Variants in MARCHF1 observed in about 807,000 individuals in gnomAD.
MARCHF1 encodes the protein E3 ubiquitin-protein ligase MARCHF1.
Under a neutral mutation model 54.2 loss-of-function variants are expected in MARCHF1, and 40 were observed. The ratio of observed to expected loss-of-function variants is 0.74; its 90% CI spans 0.57 to 0.96. The LOEUF (loss-of-function observed/expected upper bound fraction) is 0.96. Among genes scored for constraint, MARCHF1 ranks in the 40% least tolerant of loss-of-function variants. The pLI is 0.00. For synonymous variants in MARCHF1, 236 were observed against 236.3 expected, an observed-to-expected ratio of 1.00 and a Z score of 0.01; for missense variants, 586 against 656.5, an observed-to-expected ratio of 0.89 and a Z score of 1.17.
At chr4:163,954,734 A>G (rs1752198265) in intron 3 of MARCHF1, among the ~76,000 whole-genome samples, 2 of 152,190 alleles carry the variant, frequency 1.3e-5, no homozygotes, top group Non-Finnish European at 2.9e-5. Flanking sequence ...TACAAATTCA[A>G]ATTGCTCCCT....
At chr4:163,895,614 G>T (rs975536166) in intron 3 of MARCHF1, among the ~76,000 whole-genome samples, 6 of 152,146 alleles carry the variant, frequency 3.9e-5, no homozygotes, top group African/African-American at 1.4e-4. Flanking sequence ...GCAGTAGAGG[G>T]CTTCCTTCTC....
At position 164,111,625 on chromosome 4, in the gene MARCHF1, T is replaced by G. The variant is rs1284464361; in HGVS notation, c.-285A>C. On this transcript the variant is annotated 5_prime_UTR_variant, in exon 2 of 10. Coordinates refer to ENST00000514618, the MANE Select transcript of MARCHF1 (RefSeq NM_001394959.1). ...TCTTGTTTAATCACAGCAGGACAGT[T>G]GAGTATATTCTCTCAGAGTTCTTTT... The G allele has an allele frequency of 1.3e-5, 2 of 151,734 alleles. No individual in the cohort carries two copies. The highest frequency in any genetic ancestry group is 4.8e-5 in the African/African-American group (2 of 41,434). The allele number at this position is 151,734 out of a possible 1,614,324, so 9.4% of individuals were successfully genotyped here.
intron 2 of MARCHF1, among the ~76,000 whole-genome samples, chr4:164,088,656 T>A (rs1296166131): frequency 1.3e-5 from 2 of 152,168 alleles, no homozygotes; most frequent in Non-Finnish European, 2.9e-5. Flanking sequence ...GAGAATCACC[T>A]GAGCCCCAGG....
intron 4 of MARCHF1, among the ~76,000 whole-genome samples, chr4:163,738,121 A>G (rs573863276): frequency 3.2e-4 from 48 of 152,276 alleles, no homozygotes; most frequent in African/African-American, 1.1e-3. Context: ...CCTAACAAAC[A>G]TATTTCAGTT....
chr4:163,719,391 T>G (rs1579223832), intron 4 of MARCHF1, among the ~76,000 whole-genome samples: 2 of 152,220 alleles, frequency 1.3e-5, no homozygotes, highest in Admixed American at 1.3e-4. Flanking sequence ...TAGTATTCCA[T>G]GGTGTATATG....
chr4:163,599,905 T>C (rs1372602323), intron 7 of MARCHF1, among the ~76,000 whole-genome samples: 4 of 152,224 alleles, frequency 2.6e-5, no homozygotes, highest in Non-Finnish European at 5.9e-5. Flanking sequence ...AATGAGAAAT[T>C]TGAGGTCATT....
chr4:163,932,085 G>A (rs907610986), intron 3 of MARCHF1, among the ~76,000 whole-genome samples: 11 of 149,776 alleles, frequency 7.3e-5, no homozygotes, highest in African/African-American at 2.5e-4. Flanking sequence ...AACAATGTAC[G>A]TAATTTAATT....
At chr4:163,855,283 C>G (rs886349254) in intron 3 of MARCHF1, among the ~76,000 whole-genome samples, 2 of 152,124 alleles carry the variant, frequency 1.3e-5, no homozygotes, top group Non-Finnish European at 2.9e-5. Context: ...AACCAGCAAT[C>G]TAATATGAGT....
At chr4:164,199,681 C>CACACACAGAGAGAGAG (rs1462208986) in intron 1 of MARCHF1, among the ~76,000 whole-genome samples, 3 of 47,638 alleles carry the variant, frequency 6.3e-5, no homozygotes, top group East Asian at 5.7e-4. Context: ...CACACACACA[C>CACACACAGAGAGAGAG]AGAGAGAGAG....
At chr4:164,350,174 A>T (rs1055439593) in intron 1 of MARCHF1, among the ~76,000 whole-genome samples, 1 of 152,222 alleles carries the variant, frequency 6.6e-6, no homozygotes. Flanking sequence ...ATGGTATTGT[A>T]TACTGATGTG....
intron 7 of MARCHF1, among the ~76,000 whole-genome samples, chr4:163,589,478 G>C (rs1310910083): frequency 6.6e-6 from 1 of 151,760 alleles, no homozygotes; most frequent in East Asian, 1.9e-4. Flanking sequence ...CAAATTATCT[G>C]GCTCAAGTTG....
At chr4:163,667,242 G>A (rs148682498) in intron 5 of MARCHF1, among the ~76,000 whole-genome samples, 144 of 152,198 alleles carry the variant, frequency 9.5e-4, no homozygotes, top group Non-Finnish European at 1.7e-3. Context: ...TTGTGCTGGA[G>A]CGTGGCATTA....
intron 3 of MARCHF1, among the ~76,000 whole-genome samples, chr4:163,922,369 TAAAA>T (rs1031158676): frequency 5.3e-5 from 8 of 152,036 alleles, no homozygotes; most frequent in African/African-American, 1.9e-4. Flanking sequence ...ATAATAATAA[TAAAA>T]AAATCAATAT....
rs1477146262 is a variant in MARCHF1 at position 163,928,437 on chromosome 4, T to C, written c.-39+60064A>G. On this transcript the variant is annotated intron_variant, in intron 3 of 9. Transcript: ENST00000514618. ...TAGGCGTGGTGGCAGAGGACTCTTT[T>C]TGGCATTTAGGTGGACTTTACAATT... 2.6e-5 allele frequency among the ~76,000 whole-genome samples: 4 copies of C among 152,004 alleles called. No individual in the cohort carries two copies. In the East Asian group the frequency reaches 7.7e-4, roughly 29 times the overall value.
At chr4:163,933,213 T>C in intron 3 of MARCHF1, 11 of 736,208 alleles carry the variant, frequency 1.5e-5, no homozygotes, top group Non-Finnish European at 1.7e-5. Context: ...CCTCAGACAG[T>C]GCAGGAGAAG....
intron 9 of MARCHF1, among the ~76,000 whole-genome samples, chr4:163,531,559 C>T (rs760069390): frequency 1.3e-5 from 2 of 151,820 alleles, no homozygotes; most frequent in African/African-American, 2.4e-5. Flanking sequence ...TCCTTCTTAC[C>T]ATGCCTATTC....
At chr4:163,562,017 C>T (rs1739484002) in intron 8 of MARCHF1, among the ~76,000 whole-genome samples, 1 of 152,132 alleles carries the variant, frequency 6.6e-6, no homozygotes, top group South Asian at 2.1e-4. Flanking sequence ...ACACTCCAGG[C>T]CAGGAGTGGT....
chr4:163,596,979 G>A (rs529082110), intron 7 of MARCHF1, among the ~76,000 whole-genome samples: 4 of 151,228 alleles, frequency 2.6e-5, no homozygotes, highest in East Asian at 3.9e-4. Flanking sequence ...TATTTGAGAC[G>A]GAGTCTTGCT....
chr4:163,629,087 T>C (rs1247146959), intron 5 of MARCHF1, among the ~76,000 whole-genome samples: 2 of 152,146 alleles, frequency 1.3e-5, no homozygotes, highest in African/African-American at 4.8e-5. Flanking sequence ...AGAACCCATA[T>C]AGACAACCCT....
Sources: allele counts gnomAD v4.1 joint callset (sites outside exome capture counted in the v4.1 genomes callset), GRCh38; gene constraint gnomAD v4.1.1; transcripts MANE v1.5; gene names NCBI Gene and HGNC (gene_info 2026-07-23, HGNC 2026-07-21).